SLCO1A2: variants seen among roughly 807,000 people sequenced by gnomAD.
The protein encoded by SLCO1A2 is OATP-1.
Under a neutral mutation model 69.0 loss-of-function variants are expected in SLCO1A2, and 67 were observed. The observed-to-expected ratio is 0.97, with a 90% CI of 0.80 to 1.19. The LOEUF is 1.19. Among genes scored for constraint, SLCO1A2 ranks in the 50% most tolerant of loss-of-function variants. The probability of loss-of-function intolerance (pLI) is 0.00; values close to 1 mark genes in which losing one functional copy is unlikely to be tolerated. For missense variants in SLCO1A2, 787 were observed against 793.7 expected, an observed-to-expected ratio of 0.99 and a Z score of 0.10; for synonymous variants, 260 against 265.9, an observed-to-expected ratio of 0.98 and a Z score of 0.22.
At chr12:21,313,852 A>G (rs1950522880) in intron 4 of SLCO1A2, among the ~76,000 whole-genome samples, 1 of 151,984 alleles carries the variant, frequency 6.6e-6, no homozygotes, top group African/African-American at 2.4e-5. Flanking sequence ...AGTCCCAGCT[A>G]CTCAGGAGGC....
upstream of SLCO1A2, among the ~76,000 whole-genome samples, chr12:21,339,610 A>G (rs1026382200): frequency 1.3e-5 from 2 of 151,960 alleles, no homozygotes; most frequent in African/African-American, 4.8e-5. Flanking sequence ...TAATGATATA[A>G]GAAGAGCTAA....
intron 3 of SLCO1A2, 104 bp from the exon 4 acceptor site, chr12:21,314,785 T>C (rs1306203160): frequency 1.1e-5 from 9 of 823,208 alleles, no homozygotes; most frequent in Admixed American, 9.9e-5. Flanking sequence ...ATAACAACTA[T>C]CTTAAATACT....
At chr12:21,359,606 G>C (rs750410306) in intron 2 of SLCO1A2, among the ~76,000 whole-genome samples, 3 of 152,116 alleles carry the variant, frequency 2.0e-5, no homozygotes, top group Non-Finnish European at 2.9e-5. Context: ...AATTAGCCAG[G>C]CATGGTGGTG....
intron 2 of SLCO1A2, among the ~76,000 whole-genome samples, chr12:21,345,200 A>G (rs1472097878): frequency 6.6e-6 from 1 of 151,886 alleles, no homozygotes; most frequent in Non-Finnish European, 1.5e-5. Context: ...TCTGACGTTT[A>G]TGGTGCAAAT....
At chr12:21,388,038 G>A (rs185371009) in intron 1 of SLCO1A2, among the ~76,000 whole-genome samples, 13 of 152,264 alleles carry the variant, frequency 8.5e-5, no homozygotes, top group Middle Eastern at 3.4e-3. Flanking sequence ...TGGGCCTGTA[G>A]CCCCTTTGTT....
intron 6 of SLCO1A2, among the ~76,000 whole-genome samples, chr12:21,303,682 A>G (rs771455075): frequency 9.9e-5 from 15 of 152,234 alleles, no homozygotes; most frequent in Non-Finnish European, 1.8e-4. Flanking sequence ...AAGGCAGCAC[A>G]AGAAGGTGGG....
At chr12:21,394,062 G>A (rs1941296110) in intron 1 of SLCO1A2, among the ~76,000 whole-genome samples, 3 of 152,146 alleles carry the variant, frequency 2.0e-5, no homozygotes, top group Admixed American at 2.0e-4. Context: ...ATTGCACAGT[G>A]ACCTTCATAG....
At chr12:21,280,243 T>G (rs528030489) in intron 12 of SLCO1A2, among the ~76,000 whole-genome samples, 9 of 152,162 alleles carry the variant, frequency 5.9e-5, no homozygotes, top group African/African-American at 2.2e-4. Flanking sequence ...ACGAATAAGA[T>G]TATTTAATGT....
At chr12:21,376,345 T>A (rs551847146) in intron 1 of SLCO1A2, 1 of 361,268 alleles carries the variant, frequency 2.8e-6, no homozygotes, top group South Asian at 2.1e-5. Flanking sequence ...AATTCCAATT[T>A]TTACTGTTTT....
intron 2 of SLCO1A2, among the ~76,000 whole-genome samples, chr12:21,349,331 T>C (rs1198063593): frequency 6.6e-6 from 1 of 152,198 alleles, no homozygotes; most frequent in African/African-American, 2.4e-5. Context: ...GTTTCTATTC[T>C]GCTGAGAGGC....
chr12:21,342,608 G>A (rs11836617), intron 2 of SLCO1A2, among the ~76,000 whole-genome samples: 22,232 of 151,732 alleles, frequency 0.15, 2,006 homozygotes, highest in African/African-American at 0.25. Context: ...CATAAGGGGT[G>A]TATGTCACAA....
At chr12:21,378,615 T>G (rs1328711806) in intron 1 of SLCO1A2, 3 of 529,866 alleles carry the variant, frequency 5.7e-6, no homozygotes, top group Non-Finnish European at 1.0e-5. Context: ...AAAGATAGTA[T>G]CTTTTAAAAT....
intron 1 of SLCO1A2, chr12:21,376,212 T>C (rs1423028846): frequency 6.3e-6 from 1 of 159,652 alleles, no homozygotes; most frequent in Non-Finnish European, 1.4e-5. Flanking sequence ...ATTTAGCATA[T>C]AAAGTATTTC....
At chr12:21,332,310 G>T (rs1302315594) in intron 2 of SLCO1A2, among the ~76,000 whole-genome samples, 2 of 152,082 alleles carry the variant, frequency 1.3e-5, no homozygotes, top group African/African-American at 2.4e-5. Context: ...ATTGGCAATT[G>T]GTTGGAAGAG....
chr12:21,269,851 C>T (rs1056632457), intron 14 of SLCO1A2, 84 bp from the exon 15 acceptor site: 2 of 1,024,950 alleles, frequency 2.0e-6, no homozygotes, highest in Admixed American at 3.1e-5. Flanking sequence ...GTATTTTATT[C>T]TGATAAAAAC....
intron 2 of SLCO1A2, among the ~76,000 whole-genome samples, chr12:21,346,936 C>T (rs991036489): frequency 6.6e-6 from 1 of 151,042 alleles, no homozygotes; most frequent in Non-Finnish European, 1.5e-5. Context: ...CTCTTAGTAA[C>T]ATGACTGAGT....
intron 8 of SLCO1A2, among the ~76,000 whole-genome samples, chr12:21,299,854 G>GTA (rs367663983): frequency 0.016 from 2,098 of 127,432 alleles, 95 homozygotes; most frequent in African/African-American, 0.059. Context: ...ATATATACGT[G>GTA]TATATATATA....
chr12:21,340,541 G>C (rs1292612135), intron 2 of SLCO1A2, among the ~76,000 whole-genome samples: 1 of 151,976 alleles, frequency 6.6e-6, no homozygotes, highest in African/African-American at 2.4e-5. Context: ...AGCTCCATTA[G>C]CACAGCACGC....
In SLCO1A2 at chr12:21,292,339, GC is replaced by G; in HGVS notation, c.1438-4del. On this transcript the variant is annotated splice_polypyrimidine_tract_variant and splice_region_variant and intron_variant, in intron 11 of 14. Transcript: ENST00000683939. ...ATACAGCTGCAATTTTGGAACACCTGCCAAAAAATAACATATTATACTAAGA... is the reference window on the plus strand; with the variant it reads ...ATACAGCTGCAATTTTGGAACACCTGCAAAAAATAACATATTATACTAAGA... The G allele has an allele frequency of 6.2e-7, 1 of 1,601,880 alleles. No homozygotes were observed. Among genetic ancestry groups the G allele is most frequent in the Non-Finnish European group, 8.5e-7 (1 of 1,174,624 alleles).
Sources: allele counts gnomAD v4.1 joint callset (sites outside exome capture counted in the v4.1 genomes callset), GRCh38; gene constraint gnomAD v4.1.1; transcripts MANE v1.5; gene names NCBI Gene and HGNC (gene_info 2026-07-23, HGNC 2026-07-21).